The following PABPC4L variants were observed in gnomAD, a reference collection of about 807,000 sequenced individuals.
PABPC4L encodes the protein polyadenylate-binding protein 4-like.
For missense variants in PABPC4L, 452 were observed against 451.4 expected (o/e 1.00, Z -0.01); for synonymous variants, 169 against 164.1 (o/e 1.03, Z -0.23).
chr4:134,091,603 A>C, the PABPC4L span, among the ~76,000 whole-genome samples: 6 of 151,848 alleles, frequency 4.0e-5, no homozygotes, highest in Non-Finnish European at 5.9e-5. Flanking sequence ...TTTTCCTCTA[A>C]GTAAGATGCT....
chr4:134,103,426 T>A, the PABPC4L span, among the ~76,000 whole-genome samples: 290 of 151,758 alleles, frequency 1.9e-3, 1 homozygote, highest in African/African-American at 6.6e-3. Context: ...TTCTTTCTTC[T>A]GAGGCCTCTC....
the PABPC4L span, among the ~76,000 whole-genome samples, chr4:134,132,509 G>A: frequency 1.3e-5 from 2 of 151,616 alleles, no homozygotes; most frequent in Non-Finnish European, 2.9e-5. Flanking sequence ...AAACCATAAT[G>A]CAATACCACC....
chr4:134,076,191 T>C, the PABPC4L span, among the ~76,000 whole-genome samples: 1 of 152,084 alleles, frequency 6.6e-6, no homozygotes, highest in African/African-American at 2.4e-5. Flanking sequence ...GAAATCAGAA[T>C]TATGACACTT....
the PABPC4L span, among the ~76,000 whole-genome samples, chr4:134,102,593 G>A: frequency 5.3e-5 from 8 of 151,648 alleles, no homozygotes; most frequent in African/African-American, 1.9e-4. Flanking sequence ...TTATATAAGA[G>A]GTTTGGTTCA....
At chr4:134,153,876 T>C in the PABPC4L span, among the ~76,000 whole-genome samples, 2 of 144,656 alleles carry the variant, frequency 1.4e-5, no homozygotes, top group African/African-American at 5.0e-5. Context: ...TCTTTATTCT[T>C]AATGAGCTTT....
chr4:133,970,383 A>G, the PABPC4L span, among the ~76,000 whole-genome samples: 1 of 152,030 alleles, frequency 6.6e-6, no homozygotes, highest in African/African-American at 2.4e-5. Context: ...AAGCAATCTC[A>G]TCCACAATTA....
At chr4:134,169,781 G>T in the PABPC4L span, among the ~76,000 whole-genome samples, 1 of 152,182 alleles carries the variant, frequency 6.6e-6, no homozygotes, top group African/African-American at 2.4e-5. Context: ...GAAAGAAATT[G>T]AAGAGGACAA....
At chr4:133,981,156 A>G in the PABPC4L span, among the ~76,000 whole-genome samples, 118 of 110,952 alleles carry the variant, frequency 1.1e-3, no homozygotes, top group African/African-American at 5.7e-3. Flanking sequence ...GCAAGACTCC[A>G]CTGGGGAAAA....
At chr4:134,023,877 T>C in the PABPC4L span, among the ~76,000 whole-genome samples, 1 of 152,130 alleles carries the variant, frequency 6.6e-6, no homozygotes, top group Non-Finnish European at 1.5e-5. Context: ...TATATTTTAT[T>C]TGGAATAAGT....
chr4:134,133,075 C>A, the PABPC4L span, among the ~76,000 whole-genome samples: 2 of 130,250 alleles, frequency 1.5e-5, no homozygotes, highest in South Asian at 2.3e-4. Context: ...TATAATTTAT[C>A]ACATATTATA....
At chr4:134,083,072 ACT>A in the PABPC4L span, among the ~76,000 whole-genome samples, 5 of 152,248 alleles carry the variant, frequency 3.3e-5, no homozygotes, top group South Asian at 6.2e-4. Context: ...TCAATTTCCA[ACT>A]CTTTCTAATT....
chr4:134,111,580 T>C, the PABPC4L span, among the ~76,000 whole-genome samples: 1 of 151,940 alleles, frequency 6.6e-6, no homozygotes, highest in African/African-American at 2.4e-5. Flanking sequence ...ACAGAAAATC[T>C]TGATATGATA....
chr4:134,130,226 A>T, the PABPC4L span, among the ~76,000 whole-genome samples: 47 of 152,102 alleles, frequency 3.1e-4, 1 homozygote, highest in East Asian at 8.9e-3. Flanking sequence ...CAAATAAAAG[A>T]TAAATGAAAC....
Position 134,200,283 on chromosome 4 carries a change from G to C in PABPC4L, c.737C>G (p.Ala246Gly), listed in dbSNP as rs1729811216. 1 of 1,569,444 alleles carries C rather than the reference G, an allele frequency of 6.4e-7. No homozygotes were observed. The highest frequency in any genetic ancestry group is 1.9e-5 in the Admixed American group (1 of 53,828). ...GTCCCTTCCATTCATTTCTTCAACA[G>C]CTTTCTTGGCAGCCTCATGGCTATC... ...SFDSHEAAKK[A>G]VEEMNGRDIN... The change falls in exon 2 of 2, where the codon GCT becomes GGT. Residue 246 changes from alanine to glycine, a missense_variant. Coordinates refer to ENST00000421491, the MANE Select transcript of PABPC4L (RefSeq NM_001114734.2).
chr4:134,035,425 G>A, the PABPC4L span, among the ~76,000 whole-genome samples: 44 of 118,614 alleles, frequency 3.7e-4, no homozygotes, highest in Non-Finnish European at 6.0e-4. Context: ...CTGATGCTTG[G>A]TTATTAAGCT....
the PABPC4L span, among the ~76,000 whole-genome samples, chr4:134,162,310 A>G: frequency 6.6e-6 from 1 of 152,134 alleles, no homozygotes; most frequent in Non-Finnish European, 1.5e-5. Context: ...CAACAAAAAT[A>G]TATTACAATC....
the PABPC4L span, among the ~76,000 whole-genome samples, chr4:133,957,210 A>G: frequency 1.3e-5 from 2 of 152,204 alleles, no homozygotes; most frequent in Non-Finnish European, 2.9e-5. Context: ...TACTTCCTAG[A>G]TACAATGGCA....
the PABPC4L span, among the ~76,000 whole-genome samples, chr4:134,016,249 T>C: frequency 0.82 from 124,442 of 152,152 alleles, 51,442 homozygotes; most frequent in East Asian, 1. Context: ...TTAAGTCAAG[T>C]CCTCACTCTT....
At chr4:134,136,561 TCA>T in the PABPC4L span, among the ~76,000 whole-genome samples, 3 of 152,114 alleles carry the variant, frequency 2.0e-5, no homozygotes, top group Admixed American at 1.3e-4. Flanking sequence ...GTTAAATTTC[TCA>T]GTTTTATTAT....
Sources: gnomAD v4.1 joint callset for allele counts (sites outside exome capture counted in the v4.1 genomes callset) on GRCh38, gnomAD v4.1.1 for gene constraint, MANE v1.5 for transcripts, NCBI Gene and HGNC (gene_info 2026-07-23, HGNC 2026-07-21) for gene names.